PDCD6IP: variants seen among roughly 807,000 people sequenced by gnomAD.
The protein encoded by PDCD6IP is programmed cell death 6-interacting protein.
Under a neutral mutation model 103.7 loss-of-function variants are expected in PDCD6IP, and 43 were observed. The observed-to-expected ratio is 0.41, with a 90% CI of 0.32 to 0.53. PDCD6IP has a LOEUF of 0.53. Ranked by LOEUF, PDCD6IP falls within the 20% of genes least tolerant of loss-of-function variation. The pLI is 0.16. For missense variants in PDCD6IP, 871 were observed against 1,036.7 expected (o/e 0.84, Z 2.20); for synonymous variants, 354 against 378.7 (o/e 0.93, Z 0.76).
intron 1 of PDCD6IP, among the ~76,000 whole-genome samples, chr3:33,807,880 C>T (rs1696632566): frequency 6.6e-6 from 1 of 152,182 alleles, no homozygotes; most frequent in Non-Finnish European, 1.5e-5. Flanking sequence ...AAAAGTTTGC[C>T]AGTCCTGGCT....
chr3:33,844,630 G>A (rs897493868), intron 11 of PDCD6IP, among the ~76,000 whole-genome samples: 1 of 152,030 alleles, frequency 6.6e-6, no homozygotes, highest in Non-Finnish European at 1.5e-5. Context: ...GTAGACATGT[G>A]CTACCATGCC....
intron 11 of PDCD6IP, among the ~76,000 whole-genome samples, chr3:33,844,738 C>T (rs1697554897): frequency 1.3e-5 from 2 of 152,132 alleles, no homozygotes; most frequent in African/African-American, 4.8e-5. Flanking sequence ...GCCTCCACTT[C>T]CCAAAGTGAT....
chr3:33,862,025 C>A (rs980137428), intron 15 of PDCD6IP, among the ~76,000 whole-genome samples: 3 of 151,960 alleles, frequency 2.0e-5, no homozygotes, highest in African/African-American at 7.3e-5. Flanking sequence ...TGATTTATAT[C>A]TTTTATAAGT....
chr3:33,851,568 C>G (rs1697714789), intron 12 of PDCD6IP, among the ~76,000 whole-genome samples: 1 of 152,020 alleles, frequency 6.6e-6, no homozygotes, highest in African/African-American at 2.4e-5. Context: ...ACCCACTGGG[C>G]TGAAGCAATT....
At chr3:33,863,196 T>C (rs1697990265) in intron 15 of PDCD6IP, among the ~76,000 whole-genome samples, 1 of 152,222 alleles carries the variant, frequency 6.6e-6, no homozygotes, top group Non-Finnish European at 1.5e-5. Context: ...GCACATGTGA[T>C]ATTTTGATAC....
rs751494517 is a variant in PDCD6IP at position 33,844,150 on chromosome 3, T to A, written c.1398T>A (p.Asn466Lys). 24 of 1,608,600 alleles carry A rather than the reference T, an allele frequency of 1.5e-5. No homozygotes were observed. The East Asian group carries it at 3.4e-4, about 23-fold the overall frequency. ...RLLDEEEATD[N>K]DLRAKFKERW... ...TGGATGAAGAAGAAGCAACCGATAA[T>A]GATTTAAGAGCAAAATTTAAGGAAC... is the stretch of plus-strand genomic sequence containing the variant. The change falls in exon 11 of 18, where the codon AAT (asparagine) becomes AAA (lysine). Residue 466 changes from asparagine (N) to lysine (K), a missense_variant. Asn to Lys is a moderately conservative substitution (Grantham distance 94). Coordinates refer to ENST00000307296, the MANE Select transcript of PDCD6IP (RefSeq NM_013374.6).
chr3:33,855,329 G>C (rs1471571972), intron 15 of PDCD6IP, 69 bp downstream of exon 15: 2 of 948,612 alleles, frequency 2.1e-6, no homozygotes, highest in African/African-American at 1.6e-5. Context: ...AGAGACTTTT[G>C]GTATGAACTT....
chr3:33,817,090 G>A (rs1696870270), intron 3 of PDCD6IP, among the ~76,000 whole-genome samples: 1 of 152,158 alleles, frequency 6.6e-6, no homozygotes. Flanking sequence ...ATGCATATAT[G>A]TATTTGTTGA....
At chr3:33,832,930 TGTA>T (rs1697272575) in intron 7 of PDCD6IP, among the ~76,000 whole-genome samples, 1 of 152,162 alleles carries the variant, frequency 6.6e-6, no homozygotes. Context: ...TATATAAAAG[TGTA>T]GTTGTGTAAC....
At chr3:33,839,088 T>C (rs540821177) in intron 9 of PDCD6IP, among the ~76,000 whole-genome samples, 117 of 152,338 alleles carry the variant, frequency 7.7e-4, no homozygotes, top group African/African-American at 2.7e-3. Flanking sequence ...ATTACGGGCA[T>C]GAGCCACCAT....
At chr3:33,815,406 CA>C (rs1212360688) in intron 3 of PDCD6IP, among the ~76,000 whole-genome samples, 1 of 152,100 alleles carries the variant, frequency 6.6e-6, no homozygotes, top group Non-Finnish European at 1.5e-5. Context: ...CTGAATTCTC[CA>C]ATAGCTTAAT....
intron 16 of PDCD6IP, among the ~76,000 whole-genome samples, chr3:33,864,449 CTG>C (rs1698021676): frequency 6.6e-6 from 1 of 152,000 alleles, no homozygotes; most frequent in Non-Finnish European, 1.5e-5. Flanking sequence ...TATGAAATAA[CTG>C]AGTTGATCAT....
chr3:33,856,326 G>C (rs561156600), intron 15 of PDCD6IP, among the ~76,000 whole-genome samples: 1 of 152,214 alleles, frequency 6.6e-6, no homozygotes, highest in East Asian at 1.9e-4. Flanking sequence ...TAAGATGTGA[G>C]GTGTCAGAAT....
chr3:33,805,539 A>G (rs564493017), intron 1 of PDCD6IP, among the ~76,000 whole-genome samples: 70 of 151,738 alleles, frequency 4.6e-4, no homozygotes, highest in African/African-American at 1.6e-3. Context: ...GGCTCAAGCA[A>G]TCCTACTTCA....
chr3:33,859,154 A>C (rs1697894847), intron 15 of PDCD6IP, among the ~76,000 whole-genome samples: 1 of 152,248 alleles, frequency 6.6e-6, no homozygotes, highest in Non-Finnish European at 1.5e-5. Flanking sequence ...AAAGATCTTC[A>C]GCCAACCAGA....
At chr3:33,838,076 CT>C (rs1248222972) in intron 8 of PDCD6IP, 127 bp from the exon 9 acceptor site, 3 of 822,306 alleles carry the variant, frequency 3.6e-6, no homozygotes, top group Non-Finnish European at 5.8e-6. Flanking sequence ...TAGTTTTGAT[CT>C]TTAAATGTCA....
intron 12 of PDCD6IP, among the ~76,000 whole-genome samples, chr3:33,849,515 G>C (rs373679316): frequency 7.2e-6 from 1 of 138,606 alleles, no homozygotes; most frequent in Non-Finnish European, 1.6e-5. Flanking sequence ...CATCTAGAAT[G>C]GTACCCAAAA....
intron 7 of PDCD6IP, among the ~76,000 whole-genome samples, chr3:33,831,052 A>G (rs1201856500): frequency 1.3e-5 from 2 of 152,196 alleles, no homozygotes; most frequent in Non-Finnish European, 2.9e-5. Flanking sequence ...CAGCAAAGGT[A>G]AAATAACTGC....
Position 33,869,257 on chromosome 3 carries a change from G to A in PDCD6IP, c.*2732G>A, listed in dbSNP as rs1698135068. On this transcript the variant is annotated 3_prime_UTR_variant, in exon 18 of 18. Transcript: ENST00000307296. Reference sequence around the variant, plus strand: ...CAGTTTGCTAATAGGGATTTTTTGTGTTTTGTTTTTTAATTTTCAGCATCT... The same window carrying A: ...CAGTTTGCTAATAGGGATTTTTTGTATTTTGTTTTTTAATTTTCAGCATCT... The A allele has an allele frequency of 6.6e-6, 1 of 152,118 alleles. No individual in the cohort carries two copies. The highest frequency in any genetic ancestry group is 2.4e-5 in the African/African-American group (1 of 41,428). 9.4% of individuals were successfully genotyped at this position (152,118 alleles called of 1,614,324 possible). A position where few individuals can be genotyped will look rare whatever the true frequency, so the allele number is the denominator to read the frequency against.
Sources: gnomAD v4.1 joint callset for allele counts (sites outside exome capture counted in the v4.1 genomes callset) on GRCh38, gnomAD v4.1.1 for gene constraint, MANE v1.5 for transcripts, NCBI Gene and HGNC (gene_info 2026-07-23, HGNC 2026-07-21) for gene names.